Variants in FAM161A observed in about 807,000 individuals in gnomAD.
FAM161A encodes FAM161 centrosomal protein A.
A neutral mutation model predicts 70.9 loss-of-function variants in FAM161A; 57 were observed. The observed-to-expected ratio is 0.80, with a 90% confidence interval of 0.65 to 1.00. The LOEUF is 1.00. FAM161A is among the 50% of genes least tolerant of loss of function. The probability of loss-of-function intolerance (pLI) is 0.00; values close to 1 mark genes in which losing one functional copy is unlikely to be tolerated. For missense variants in FAM161A, 880 were observed against 836.0 expected (o/e 1.05, Z -0.65); for synonymous variants, 299 against 295.7 (o/e 1.01, Z -0.12).
chr2:61,849,418 T>C (rs1351272152), intron 1 of FAM161A, among the ~76,000 whole-genome samples: 1 of 151,420 alleles, frequency 6.6e-6, no homozygotes, highest in Non-Finnish European at 1.5e-5. Context: ...GGAGGGCGAA[T>C]TGCTTGAGCC....
chr2:61,846,921 C>T (rs775016720), intron 1 of FAM161A: 21 of 454,968 alleles, frequency 4.6e-5, no homozygotes, highest in Admixed American at 1.2e-4. Flanking sequence ...TGGTTCATGC[C>T]TGTAATCCCA....
In FAM161A at chr2:61,825,831, G is replaced by T. The variant is rs778873329; in HGVS notation, c.*624C>A. On this transcript the variant is annotated 3_prime_UTR_variant, in exon 7 of 7. Coordinates refer to ENST00000404929, the MANE Select transcript of FAM161A (RefSeq NM_001201543.2). ...TTTTTGTATTTTTAGTAGAGACGGG[G>T]TTTCATCGTGTTAGCCAGGATGGTC... 3 of 439,238 alleles carry T rather than the reference G, an allele frequency of 6.8e-6. No homozygotes were observed. The highest frequency in any genetic ancestry group is 4.8e-5 in the South Asian group (3 of 62,174). 27.2% of individuals were successfully genotyped at this position (439,238 alleles called of 1,614,324 possible). A position where few individuals can be genotyped will look rare whatever the true frequency, so the allele number is the denominator to read the frequency against.
chr2:61,839,766 T>A lies in FAM161A; in HGVS notation c.1238A>T (p.Glu413Val). 1 of 1,614,156 alleles carries A rather than the reference T, an allele frequency of 6.2e-7. No homozygotes were observed. The highest frequency in any genetic ancestry group is 8.5e-7 in the Non-Finnish European group (1 of 1,180,030). The part of the protein sequence containing the change: ...ACGCRNPRCP[E>V]QAVKLKCKHK... ...TTTACACTTCAACTTTACAGCCTGT[T>A]CAGGACACCTGGGGTTCCTGCATCC... is the stretch of plus-strand genomic sequence containing the variant. The change falls in exon 3 of 7, where the codon GAA (glutamate) becomes GTA (valine). Residue 413 changes from glutamate (E) to valine (V), a missense_variant. Glu to Val is a moderately radical substitution (Grantham distance 121). Transcript: ENST00000404929.
intron 3 of FAM161A, among the ~76,000 whole-genome samples, chr2:61,839,185 G>A (rs751328473): frequency 5.9e-5 from 9 of 151,704 alleles, no homozygotes; most frequent in Admixed American, 2.0e-4. Flanking sequence ...GCCCAGCCAG[G>A]TAAAACTAGA....
At chr2:61,827,013 G>T in intron 6 of FAM161A, 91 bp downstream of exon 6, 2 of 1,256,862 alleles carry the variant, frequency 1.6e-6, no homozygotes, top group Non-Finnish European at 2.3e-6. Context: ...AAACAATATA[G>T]AACAAAAAAT....
At chr2:61,826,652 GT>G in intron 6 of FAM161A, 53 bp from the exon 7 acceptor site, 1 of 1,506,388 alleles carries the variant, frequency 6.6e-7, no homozygotes, top group Non-Finnish European at 9.1e-7. Flanking sequence ...TGGTTTAAAG[GT>G]AAACAAACCC....
the FAM161A span, among the ~76,000 whole-genome samples, chr2:61,815,833 G>C: frequency 6.6e-6 from 1 of 151,924 alleles, no homozygotes; most frequent in African/African-American, 2.4e-5. Context: ...TTACAGGCGT[G>C]AGCCACCACA....
chr2:61,806,245 T>C, the FAM161A span, among the ~76,000 whole-genome samples: 1 of 151,896 alleles, frequency 6.6e-6, no homozygotes, highest in Non-Finnish European at 1.5e-5. Context: ...AAGAAAGAAA[T>C]TGCAATCTGG....
At chr2:61,846,147 T>C (rs142355684) in intron 1 of FAM161A, among the ~76,000 whole-genome samples, 274 of 143,590 alleles carry the variant, frequency 1.9e-3, no homozygotes, top group African/African-American at 6.4e-3. Flanking sequence ...AGAGTGTTTA[T>C]GGGAAAGAAG....
At chr2:61,851,753 G>A (rs1226887272) in intron 1 of FAM161A, among the ~76,000 whole-genome samples, 5 of 151,236 alleles carry the variant, frequency 3.3e-5, no homozygotes, top group Non-Finnish European at 7.4e-5. Flanking sequence ...TGCAAGGGGG[G>A]TGCGTGTGTA....
In FAM161A at chr2:61,834,821, A is replaced by AAAAT. The variant is rs201496756; in HGVS notation, c.1851+1185_1851+1188dup. 7.7e-3 allele frequency among the ~76,000 whole-genome samples: 1,175 copies of AAAAT among 152,154 alleles called. 13 individuals carry two copies. The highest frequency in any genetic ancestry group is 0.025 in the African/African-American group (1,041 of 41,516). On this transcript the variant is annotated intron_variant, in intron 5 of 6. Coordinates refer to ENST00000404929, the MANE Select transcript of FAM161A (RefSeq NM_001201543.2). ...CCTTGAATTTAAAATAAAAGTTGAA[A>AAAAT]AAATAAATAAATAAATAAATAAGAA...
At chr2:61,809,754 T>C in the FAM161A span, among the ~76,000 whole-genome samples, 31 of 152,316 alleles carry the variant, frequency 2.0e-4, no homozygotes, top group African/African-American at 7.5e-4. Flanking sequence ...GCCTAGCACC[T>C]GAGCCCTGCT....
the FAM161A span, among the ~76,000 whole-genome samples, chr2:61,817,561 G>C: frequency 6.6e-6 from 1 of 152,338 alleles, no homozygotes; most frequent in African/African-American, 2.4e-5. Context: ...GAGCCTGGTG[G>C]AGTCTCTTTT....
chr2:61,819,800 G>A, the FAM161A span, among the ~76,000 whole-genome samples: 133 of 152,042 alleles, frequency 8.7e-4, no homozygotes, highest in Non-Finnish European at 1.6e-3. Context: ...CATTATTATA[G>A]TGCAACAAGA....
At chr2:61,804,792 A>AAGAAAGAAAGAAAGAC in the FAM161A span, among the ~76,000 whole-genome samples, 2 of 150,524 alleles carry the variant, frequency 1.3e-5, no homozygotes, top group African/African-American at 4.9e-5. Flanking sequence ...GAAAGAAAGA[A>AAGAAAGAAAGAAAGAC]AGAAAGAAAG....
chr2:61,800,255 T>G, the FAM161A span, among the ~76,000 whole-genome samples: 1 of 152,160 alleles, frequency 6.6e-6, no homozygotes, highest in Admixed American at 6.6e-5. Context: ...TTACTTGGTT[T>G]TATTGGAGCT....
At chr2:61,827,332 C>T in intron 5 of FAM161A, 74 bp from the exon 6 acceptor site, 1 of 1,503,180 alleles carries the variant, frequency 6.7e-7, no homozygotes, top group Non-Finnish European at 9.1e-7. Flanking sequence ...TAGATTAGGC[C>T]AGGCGCGGTG....
downstream of FAM161A, among the ~76,000 whole-genome samples, chr2:61,821,960 G>T (rs1672211747): frequency 6.6e-6 from 1 of 151,594 alleles, no homozygotes; most frequent in African/African-American, 2.4e-5. Context: ...GTAGAGACAG[G>T]GTTTTACCAT....
chr2:61,833,074 T>TG (rs1383507230), intron 5 of FAM161A, among the ~76,000 whole-genome samples: 11 of 151,306 alleles, frequency 7.3e-5, no homozygotes, highest in Non-Finnish European at 1.3e-4. Flanking sequence ...TGAGGGAAGG[T>TG]GGGGGGAGGA....
Sources: allele counts gnomAD v4.1 joint callset (sites outside exome capture counted in the v4.1 genomes callset), GRCh38; gene constraint gnomAD v4.1.1; transcripts MANE v1.5; gene names NCBI Gene and HGNC (gene_info 2026-07-23, HGNC 2026-07-21).